Variants in CLSTN2 observed in about 807,000 individuals in gnomAD.
CLSTN2 encodes calsyntenin 2, also known as calsyntenin-2.
In CLSTN2, 48 loss-of-function variants were observed where a neutral mutation model predicts 101.2. The observed-to-expected ratio is 0.47, with a 90% CI of 0.38 to 0.60. CLSTN2 has a LOEUF of 0.60. Ranked by LOEUF, CLSTN2 falls within the 20% of genes least tolerant of loss-of-function variation. The probability of loss-of-function intolerance (pLI) is 0.00; values close to 1 mark genes in which losing one functional copy is unlikely to be tolerated. For synonymous variants in CLSTN2, 481 were observed against 463.6 expected, an observed-to-expected ratio of 1.04 and a Z score of -0.48; for missense variants, 1,160 against 1,238.2, an observed-to-expected ratio of 0.94 and a Z score of 0.95.
chr3:140,368,641 A>G (rs1018773967), intron 2 of CLSTN2, among the ~76,000 whole-genome samples: 4 of 152,102 alleles, frequency 2.6e-5, no homozygotes, highest in Non-Finnish European at 4.4e-5. Context: ...GCTTCCTCCT[A>G]GGACTCTGAC....
At chr3:140,346,066 C>T (rs9871764) in intron 2 of CLSTN2, among the ~76,000 whole-genome samples, 67,929 of 151,932 alleles carry the variant, frequency 0.45, 15,903 homozygotes, top group Non-Finnish European at 0.53. Flanking sequence ...AATCAATACA[C>T]AGAATATGAG....
intron 4 of CLSTN2, among the ~76,000 whole-genome samples, chr3:140,418,517 CTT>C (rs35463586): frequency 2.4e-5 from 1 of 41,274 alleles, no homozygotes. Context: ...TTCTTTCTTT[CTT>C]TTTTTTTTTT....
intron 1 of CLSTN2, among the ~76,000 whole-genome samples, chr3:140,097,422 C>T (rs1015628448): frequency 2.6e-5 from 4 of 152,254 alleles, no homozygotes; most frequent in Middle Eastern, 6.8e-3. Flanking sequence ...ATTTTTCTTG[C>T]GATCACCTTG....
intron 8 of CLSTN2, among the ~76,000 whole-genome samples, chr3:140,530,444 C>G (rs530363799): frequency 6.6e-6 from 1 of 152,326 alleles, no homozygotes; most frequent in Non-Finnish European, 1.5e-5. Flanking sequence ...GTTGTTCAAT[C>G]TAGCATACTT....
intron 2 of CLSTN2, among the ~76,000 whole-genome samples, chr3:140,265,309 G>C (rs1029457688): frequency 2.3e-4 from 35 of 152,132 alleles, no homozygotes; most frequent in Non-Finnish European, 4.7e-4. Context: ...TGCACAGGGG[G>C]GCTGAGAAAG....
intron 10 of CLSTN2, among the ~76,000 whole-genome samples, chr3:140,552,291 T>G (rs1935717593): frequency 6.6e-6 from 1 of 152,048 alleles, no homozygotes; most frequent in African/African-American, 2.4e-5. Flanking sequence ...ATGCCACCCT[T>G]TGCTGGGTCC....
intron 1 of CLSTN2, among the ~76,000 whole-genome samples, chr3:140,168,408 A>G (rs2107823999): frequency 6.6e-6 from 1 of 152,260 alleles, no homozygotes; most frequent in African/African-American, 2.4e-5. Flanking sequence ...TATATTTTGG[A>G]TACAAGACCT....
At chr3:140,540,071 T>C (rs376281434) in intron 9 of CLSTN2, among the ~76,000 whole-genome samples, 28 of 152,258 alleles carry the variant, frequency 1.8e-4, no homozygotes, top group African/African-American at 6.7e-4. Context: ...TTGCTCTAGG[T>C]CTTTGAAGTC....
At chr3:140,313,489 G>A (rs2087194537) in intron 2 of CLSTN2, among the ~76,000 whole-genome samples, 1 of 152,138 alleles carries the variant, frequency 6.6e-6, no homozygotes, top group Non-Finnish European at 1.5e-5. Context: ...TGAATTCTAT[G>A]ACAAATTACT....
intron 8 of CLSTN2, among the ~76,000 whole-genome samples, chr3:140,521,566 C>A (rs1428785049): frequency 6.6e-6 from 1 of 152,190 alleles, no homozygotes; most frequent in Non-Finnish European, 1.5e-5. Flanking sequence ...TGGCTGAGAA[C>A]CCTTGTTGGG....
At chr3:139,943,757 A>T (rs1291957208) in intron 1 of CLSTN2, among the ~76,000 whole-genome samples, 2 of 152,206 alleles carry the variant, frequency 1.3e-5, no homozygotes, top group African/African-American at 4.8e-5. Flanking sequence ...GTGGGTACAC[A>T]AAAGCCACCC....
intron 1 of CLSTN2, among the ~76,000 whole-genome samples, chr3:140,066,049 A>T (rs1205517426): frequency 1.3e-5 from 2 of 152,242 alleles, no homozygotes; most frequent in Non-Finnish European, 2.9e-5. Context: ...TGGTAACTGA[A>T]GCTTTACGCA....
chr3:140,171,152 G>A (rs1378428376), intron 1 of CLSTN2, among the ~76,000 whole-genome samples: 1 of 152,128 alleles, frequency 6.6e-6, no homozygotes, highest in Admixed American at 6.5e-5. Context: ...TAATAAAAGA[G>A]CAAAGGAGTG....
chr3:140,507,069 C>T (rs1465410760), intron 8 of CLSTN2: 2 of 152,054 alleles, frequency 1.3e-5, no homozygotes, highest in Admixed American at 6.5e-5. Context: ...TGAGGAACAT[C>T]GGGGGTTGAG....
chr3:140,104,723 C>T (rs1009400387), intron 1 of CLSTN2, among the ~76,000 whole-genome samples: 2 of 152,220 alleles, frequency 1.3e-5, no homozygotes, highest in Non-Finnish European at 2.9e-5. Context: ...CCTATTATTC[C>T]AGCACTTTGG....
chr3:140,223,364 G>A (rs577623464), intron 2 of CLSTN2, among the ~76,000 whole-genome samples: 1 of 152,298 alleles, frequency 6.6e-6, no homozygotes, highest in South Asian at 2.1e-4. Flanking sequence ...TTTGTTGAGA[G>A]GGCTTGCAAA....
At chr3:139,948,614 A>T (rs574710929) in intron 1 of CLSTN2, among the ~76,000 whole-genome samples, 2 of 152,240 alleles carry the variant, frequency 1.3e-5, no homozygotes, top group African/African-American at 2.4e-5. Flanking sequence ...AGTGTGAATG[A>T]GGTGACTTGC....
intron 1 of CLSTN2, among the ~76,000 whole-genome samples, chr3:139,949,462 C>T (rs1935259288): frequency 6.6e-6 from 1 of 152,122 alleles, no homozygotes; most frequent in Admixed American, 6.5e-5. Flanking sequence ...GTCAACATCC[C>T]AGGAAGGGCC....
intron 1 of CLSTN2, among the ~76,000 whole-genome samples, chr3:140,007,528 A>C (rs1576394959): frequency 6.6e-6 from 1 of 152,342 alleles, no homozygotes; most frequent in Middle Eastern, 3.4e-3. Context: ...AGTCCCATGA[A>C]ATATGAATTT....
Sources: allele counts gnomAD v4.1 joint callset (sites outside exome capture counted in the v4.1 genomes callset), GRCh38; gene constraint gnomAD v4.1.1; transcripts MANE v1.5; gene names NCBI Gene and HGNC (gene_info 2026-07-23, HGNC 2026-07-21).